PRSS12: variants seen among roughly 807,000 people sequenced by gnomAD.
PRSS12 encodes neurotrypsin.
PRSS12 carries 85 observed loss-of-function variants against 104.4 expected under a neutral mutation model. That is an observed-to-expected ratio of 0.81 (90% CI 0.68 to 0.98). PRSS12 has a LOEUF of 0.98. Among genes scored for constraint, PRSS12 ranks in the 50% least tolerant of loss-of-function variants. The pLI, the probability that PRSS12 is intolerant of heterozygous loss-of-function variation, is 0.00. For synonymous variants in PRSS12, 454 were observed against 425.2 expected, an observed-to-expected ratio of 1.07 and a Z score of -0.83; for missense variants, 1,141 against 1,139.2, an observed-to-expected ratio of 1.00 and a Z score of -0.02.
chr4:118,345,076 A>G (rs1724324512), intron 1 of PRSS12, among the ~76,000 whole-genome samples: 1 of 152,206 alleles, frequency 6.6e-6, no homozygotes, highest in Non-Finnish European at 1.5e-5. Context: ...CCTCAACCAG[A>G]GGACAAAGGT....
At chr4:118,310,033 C>T (rs557641502) in intron 7 of PRSS12, among the ~76,000 whole-genome samples, 4 of 152,200 alleles carry the variant, frequency 2.6e-5, no homozygotes, top group South Asian at 4.1e-4. Flanking sequence ...ATGTTTATGG[C>T]GTGCCAACTC....
chr4:118,281,563 G>A lies in PRSS12; in HGVS notation c.*373C>T. On this transcript the variant is annotated 3_prime_UTR_variant, in exon 13 of 13. Coordinates refer to ENST00000296498, the MANE Select transcript of PRSS12 (RefSeq NM_003619.4). The stretch of plus-strand genomic sequence containing the variant: ...AGGGTACCGCATTTATGTCAAATGT[G>A]GGTATTTAATATGATTTCAGACACC... 3.7e-5 allele frequency: 11 copies of A among 300,108 alleles called. No homozygotes were observed. The highest frequency in any genetic ancestry group is 8.0e-5 in the East Asian group (1 of 12,482). The allele number at this position is 300,108 out of a possible 1,614,324, so 18.6% of individuals were successfully genotyped here. A position where few individuals can be genotyped will look rare whatever the true frequency, so the allele number is the denominator to read the frequency against.
Position 118,281,789 on chromosome 4 carries a change from C to CAA in PRSS12, c.*145_*146dup. The CAA allele has an allele frequency of 1.5e-6, 1 of 667,072 alleles. No individual in the cohort carries two copies. Among genetic ancestry groups the CAA allele is most frequent in the Non-Finnish European group, 2.7e-6 (1 of 367,098 alleles). 41.3% of individuals were successfully genotyped at this position (667,072 alleles called of 1,614,324 possible). A position where few individuals can be genotyped will look rare whatever the true frequency, so the allele number is the denominator to read the frequency against. ...CCTCTGAAAATGTTCACAAATTTCT[C>CAA]AAAAGCAGCAGGGGGTACACAATTT... On this transcript the variant is annotated 3_prime_UTR_variant, in exon 13 of 13. Transcript: ENST00000296498.
intron 1 of PRSS12, among the ~76,000 whole-genome samples, chr4:118,345,019 T>C (rs1724322359): frequency 6.6e-6 from 1 of 152,156 alleles, no homozygotes; most frequent in African/African-American, 2.4e-5. Context: ...GGGAAGGTAA[T>C]GAAAATGCTT....
intron 1 of PRSS12, among the ~76,000 whole-genome samples, chr4:118,350,243 C>A (rs1276663102): frequency 6.6e-6 from 1 of 152,172 alleles, no homozygotes; most frequent in African/African-American, 2.4e-5. Context: ...CAACAGTGCA[C>A]AGCTACTGGC....
Position 118,304,240 on chromosome 4 carries a change from T to C in PRSS12, c.1631+4196A>G, listed in dbSNP as rs372614646. On this transcript the variant is annotated intron_variant, in intron 8 of 12. Coordinates refer to ENST00000296498, the MANE Select transcript of PRSS12 (RefSeq NM_003619.4). ...CACATATTTTTAAGGCATAATAACA[T>C]TGAGATTCCGTGGGGGAAGAAAATT... Among the ~76,000 whole-genome samples, 15 of 151,836 alleles carry C rather than the reference T, an allele frequency of 9.9e-5. No individual in the cohort carries two copies. The East Asian group carries it at 2.7e-3, about 27-fold the overall frequency.
intron 5 of PRSS12, among the ~76,000 whole-genome samples, chr4:118,316,838 ATATATAT>A (rs1243561594): frequency 4.7e-4 from 10 of 21,148 alleles, no homozygotes; most frequent in Non-Finnish European, 1.3e-3. Context: ...AAAAAAAAAA[ATATATAT>A]ATATATATAT....
At chr4:118,342,965 T>A (rs1724255242) in intron 1 of PRSS12, among the ~76,000 whole-genome samples, 1 of 152,096 alleles carries the variant, frequency 6.6e-6, no homozygotes, top group Admixed American at 6.5e-5. Context: ...ATTCCCCAAA[T>A]AGAGGGACAG....
At chr4:118,347,634 T>A (rs1271429891) in intron 1 of PRSS12, among the ~76,000 whole-genome samples, 1 of 152,222 alleles carries the variant, frequency 6.6e-6, no homozygotes, top group African/African-American at 2.4e-5. Flanking sequence ...GAAAAGTGAC[T>A]GCCCCTCCTA....
rs781672708 is a variant in PRSS12 at position 118,282,163 on chromosome 4, G to C, written c.2401C>G (p.Arg801Gly). 3 of 1,614,026 alleles carry C rather than the reference G, an allele frequency of 1.9e-6. No individual in the cohort carries two copies. The highest frequency in any genetic ancestry group is 2.5e-6 in the Non-Finnish European group (3 of 1,180,042). ...GCACAAAGCATTCTCCCTGTAAACC[G>C]ACCCTTATAACGTTCTTCACAAAAC... ...KRFCEERYKG[R>G]FTGRMLCAGN... The change falls in exon 13 of 13, where the codon CGG (arginine) becomes GGG (glycine). Residue 801 changes from arginine (R) to glycine (G), a missense_variant. Coordinates refer to ENST00000296498, the MANE Select transcript of PRSS12 (RefSeq NM_003619.4).
chr4:118,331,845 C>G lies in PRSS12; in HGVS notation c.842G>C (p.Arg281Pro). ...ATGCACACTGCTGCCTCCAGCAAGGCGAATGATGGGGAACGTTGGGCCTGT... is the reference window on the plus strand; with the variant it reads ...ATGCACACTGCTGCCTCCAGCAAGGGGAATGATGGGGAACGTTGGGCCTGT... ...FSHGPTFPIIRLAGGSSVHEG... is the reference protein window; with the variant it reads ...FSHGPTFPIIPLAGGSSVHEG... The change falls in exon 4 of 13, where the codon CGC (arginine) becomes CCC (proline). Residue 281 changes from arginine to proline, a missense_variant. By Grantham distance (103) the Arg-to-Pro change is moderately radical. Coordinates refer to ENST00000296498, the MANE Select transcript of PRSS12 (RefSeq NM_003619.4). 1 of 1,613,926 alleles carries G rather than the reference C, an allele frequency of 6.2e-7. No individual in the cohort carries two copies. Among genetic ancestry groups the G allele is most frequent in the South Asian group, 1.1e-5 (1 of 91,080 alleles).
At chr4:118,301,827 AG>A (rs1182286286) in intron 8 of PRSS12, among the ~76,000 whole-genome samples, 21 of 152,168 alleles carry the variant, frequency 1.4e-4, no homozygotes, top group African/African-American at 4.6e-4. Context: ...AATAAACACT[AG>A]TTCTAGTCTC....
chr4:118,304,127 C>T (rs1051175969), intron 8 of PRSS12, among the ~76,000 whole-genome samples: 10 of 151,202 alleles, frequency 6.6e-5, no homozygotes, highest in Admixed American at 1.3e-4. Context: ...TCTCCATGTA[C>T]GTGTGTGTGT....
chr4:118,323,889 A>G (rs1331373314), intron 4 of PRSS12, among the ~76,000 whole-genome samples: 1 of 151,882 alleles, frequency 6.6e-6, no homozygotes, highest in Non-Finnish European at 1.5e-5. Context: ...GTGTGTGTAT[A>G]TATATCTAGA....
intron 11 of PRSS12, among the ~76,000 whole-genome samples, chr4:118,288,205 A>G (rs1743053248): frequency 6.6e-6 from 1 of 152,220 alleles, no homozygotes; most frequent in Non-Finnish European, 1.5e-5. Flanking sequence ...AAAGTAGTTG[A>G]CTGAAGTTGT....
In PRSS12 at chr4:118,352,587, T is replaced by C. The variant is rs1375268193; in HGVS notation, c.134A>G (p.Tyr45Cys). 4 of 1,598,600 alleles carry C rather than the reference T, an allele frequency of 2.5e-6. No homozygotes were observed. The highest frequency in any genetic ancestry group is 3.3e-4 in the Middle Eastern group (2 of 6,052). Residue 45 changes from tyrosine to cysteine, a missense_variant, in exon 1 of 13, where the codon TAT (tyrosine) becomes TGT (cysteine). Transcript: ENST00000296498. ...GGGCCGCTGCTGGGTGGGAAGGTAA[T>C]AGGGGTAGTGCGGACCCGCAGGGGG... ...HSPPAGPHYP[Y>C]YLPTQQRPPR... is the part of the protein sequence containing the mutation.
chr4:118,290,194 A>C (rs1743097760), intron 11 of PRSS12, among the ~76,000 whole-genome samples: 1 of 152,206 alleles, frequency 6.6e-6, no homozygotes, highest in Non-Finnish European at 1.5e-5. Flanking sequence ...CCAAAGGAGA[A>C]ATAATGACAT....
At chr4:118,346,208 C>T (rs1323606355) in intron 1 of PRSS12, among the ~76,000 whole-genome samples, 2 of 152,096 alleles carry the variant, frequency 1.3e-5, no homozygotes, top group Non-Finnish European at 2.9e-5. Flanking sequence ...CAGAAGTGTA[C>T]CATGCTGGAG....
intron 11 of PRSS12, among the ~76,000 whole-genome samples, chr4:118,288,457 GGC>G (rs984096151): frequency 6.6e-6 from 1 of 152,106 alleles, no homozygotes; most frequent in Non-Finnish European, 1.5e-5. Flanking sequence ...TTACCTCTGT[GGC>G]CATCTCTCTA....
Sources: allele counts gnomAD v4.1 joint callset (sites outside exome capture counted in the v4.1 genomes callset), GRCh38; gene constraint gnomAD v4.1.1; transcripts MANE v1.5; gene names NCBI Gene and HGNC (gene_info 2026-07-23, HGNC 2026-07-21).